Variants in NDUFB6 observed in about 807,000 individuals in gnomAD.
NDUFB6 encodes NADH dehydrogenase [ubiquinone] 1 beta subcomplex subunit 6.
A neutral mutation model predicts 17.5 loss-of-function variants in NDUFB6; 23 were observed. The ratio of observed to expected loss-of-function variants is 1.31; its 90% CI spans 0.94 to 1.86. NDUFB6 has a LOEUF of 1.86. Among genes scored for constraint, NDUFB6 ranks in the 40% most tolerant of loss-of-function variants. The pLI is 0.00. For synonymous variants in NDUFB6, 60 were observed against 53.5 expected, an observed-to-expected ratio of 1.12 and a Z score of -0.53; for missense variants, 167 against 153.8, an observed-to-expected ratio of 1.09 and a Z score of -0.46.
intron 2 of NDUFB6, among the ~76,000 whole-genome samples, chr9:32,561,465 T>A (rs1821623864): frequency 6.6e-6 from 1 of 152,104 alleles, no homozygotes; most frequent in Admixed American, 6.6e-5. Context: ...GTAGCTGGGA[T>A]TACAGGCACA....
chr9:32,568,821 G>A (rs1187535963), intron 2 of NDUFB6, among the ~76,000 whole-genome samples: 1 of 142,376 alleles, frequency 7.0e-6, no homozygotes, highest in African/African-American at 2.7e-5. Context: ...TGCAATCTCA[G>A]CTCACTGCAA....
chr9:32,558,736 A>G (rs1821542940), intron 3 of NDUFB6, among the ~76,000 whole-genome samples, 174 bp downstream of exon 3: 1 of 151,206 alleles, frequency 6.6e-6, no homozygotes, highest in Non-Finnish European at 1.5e-5. Context: ...ACCTCACGGT[A>G]TTTCTTCCTG....
intron 3 of NDUFB6, 43 bp from the exon 4 acceptor site, chr9:32,553,987 A>G: frequency 1.6e-6 from 2 of 1,270,136 alleles, no homozygotes; most frequent in Non-Finnish European, 2.3e-6. Context: ...TCTTAAGTCT[A>G]CAGAGGTGAT....
chr9:32,553,974 A>G (rs1821381325), intron 3 of NDUFB6, 30 bp from the exon 4 acceptor site: 5 of 1,416,068 alleles, frequency 3.5e-6, no homozygotes, highest in Admixed American at 1.8e-5. Flanking sequence ...GTTAGTACAA[A>G]AATCTTAAGT....
intron 2 of NDUFB6, chr9:32,566,876 G>A: frequency 1.6e-6 from 1 of 629,314 alleles, no homozygotes; most frequent in Non-Finnish European, 2.8e-6. Flanking sequence ...AGCCACGCGT[G>A]CGGCTGGCGA....
Position 32,569,655 on chromosome 9 carries a change from A to G in NDUFB6, c.273+1305T>C, listed in dbSNP as rs114948345. Among the ~76,000 whole-genome samples the G allele has an allele frequency of 4.0e-3, 605 of 152,172 alleles. 5 individuals are homozygous for G. The highest frequency in any genetic ancestry group is 0.014 in the African/African-American group (570 of 41,496). On this transcript the variant is annotated intron_variant, in intron 2 of 3. Coordinates refer to ENST00000379847, the MANE Select transcript of NDUFB6 (RefSeq NM_002493.5). ...CAGCCTCTTGAGTAGCTGGGATTATAGGTGTGGACCACTACATCCAGCTAT... is the reference window on the plus strand; with the variant it reads ...CAGCCTCTTGAGTAGCTGGGATTATGGGTGTGGACCACTACATCCAGCTAT...
chr9:32,560,409 GTAGT>G (rs1215047697), intron 2 of NDUFB6, among the ~76,000 whole-genome samples: 2 of 152,152 alleles, frequency 1.3e-5, no homozygotes, highest in African/African-American at 4.8e-5. Flanking sequence ...CCAGAAAAAT[GTAGT>G]TAAATTTAGA....
intron 2 of NDUFB6, among the ~76,000 whole-genome samples, chr9:32,560,823 T>C (rs1821604190): frequency 6.6e-6 from 1 of 152,208 alleles, no homozygotes; most frequent in South Asian, 2.1e-4. Context: ...ACTAGATGCA[T>C]AGTTTAATAG....
intron 3 of NDUFB6, among the ~76,000 whole-genome samples, 183 bp from the exon 4 acceptor site, chr9:32,554,127 A>C (rs1023122765): frequency 6.6e-6 from 1 of 152,242 alleles, no homozygotes; most frequent in Admixed American, 6.5e-5. Context: ...CAAAATTTTA[A>C]GGTATAGTGA....
chr9:32,559,080 C>A, intron 2 of NDUFB6, 126 bp from the exon 3 acceptor site: 1 of 570,270 alleles, frequency 1.8e-6, no homozygotes, highest in Admixed American at 2.8e-5. Context: ...TTCACATATC[C>A]AACTGTTTAC....
chr9:32,565,911 G>A (rs748786759), intron 2 of NDUFB6, among the ~76,000 whole-genome samples: 21 of 152,166 alleles, frequency 1.4e-4, no homozygotes, highest in Non-Finnish European at 2.6e-4. Flanking sequence ...GGCGGAGGTT[G>A]CAGTGAGCCA....
intron 2 of NDUFB6, 51 bp from the exon 3 acceptor site, chr9:32,559,005 G>A: frequency 4.5e-6 from 6 of 1,341,918 alleles, no homozygotes; most frequent in Non-Finnish European, 6.2e-6. Flanking sequence ...AGTTTCTTCT[G>A]AAAATAAGAA....
chr9:32,568,373 CT>C (rs1316626434), intron 2 of NDUFB6: 14 of 245,138 alleles, frequency 5.7e-5, no homozygotes, highest in Admixed American at 1.3e-4. Context: ...GAAGGTGCTC[CT>C]TTTGGATGAG....
chr9:32,564,720 T>C (rs1821729038), intron 2 of NDUFB6, among the ~76,000 whole-genome samples: 1 of 152,162 alleles, frequency 6.6e-6, no homozygotes, highest in Non-Finnish European at 1.5e-5. Flanking sequence ...ATGAGCTCCA[T>C]ATTATCTGAG....
intron 2 of NDUFB6, chr9:32,568,748 A>ATATTT (rs1213123923): frequency 3.1e-4 from 36 of 114,368 alleles, no homozygotes; most frequent in African/African-American, 1.3e-3. Flanking sequence ...ATATATATAT[A>ATATTT]TTTTTTTTTT....
intron 2 of NDUFB6, 148 bp from the exon 3 acceptor site, chr9:32,559,102 A>G: frequency 2.0e-6 from 1 of 507,664 alleles, no homozygotes; most frequent in Non-Finnish European, 3.5e-6. Context: ...CAACATCTCT[A>G]CTTAGCTATC....
intron 2 of NDUFB6, chr9:32,568,748 A>ATATATATATATATATTTTTTTTTTTT (rs1213123923): frequency 8.7e-6 from 1 of 114,400 alleles, no homozygotes; most frequent in African/African-American, 3.9e-5. Context: ...ATATATATAT[A>ATATATATATATATATTTTTTTTTTTT]TTTTTTTTTT....
intron 2 of NDUFB6, among the ~76,000 whole-genome samples, chr9:32,565,802 T>C (rs1563996061): frequency 6.6e-6 from 1 of 152,050 alleles, no homozygotes; most frequent in Non-Finnish European, 1.5e-5. Flanking sequence ...CGAAACCCTG[T>C]CTCTACTAAA....
chr9:32,570,277 G>A (rs1335746114), intron 2 of NDUFB6, among the ~76,000 whole-genome samples: 1 of 152,050 alleles, frequency 6.6e-6, no homozygotes, highest in African/African-American at 2.4e-5. Context: ...ACCCACTGAG[G>A]ATCTAACACC....
Sources: gnomAD v4.1 joint callset for allele counts (sites outside exome capture counted in the v4.1 genomes callset) on GRCh38, gnomAD v4.1.1 for gene constraint, MANE v1.5 for transcripts, NCBI Gene and HGNC (gene_info 2026-07-23, HGNC 2026-07-21) for gene names.